MB: variants seen among roughly 807,000 people sequenced by gnomAD.
The protein encoded by MB is myoglobin, also known as nitrite reductase MB.
A neutral mutation model predicts 14.5 loss-of-function variants in MB; 10 were observed. That is an observed-to-expected ratio of 0.69 (90% confidence interval 0.43 to 1.17). The LOEUF is 1.17. Among genes scored for constraint, MB ranks in the 50% most tolerant of loss-of-function variants. The pLI, the probability that MB is intolerant of heterozygous loss-of-function variation, is 0.00. For synonymous variants in MB, 89 were observed against 78.6 expected, an observed-to-expected ratio of 1.13 and a Z score of -0.70; for missense variants, 169 against 192.7, an observed-to-expected ratio of 0.88 and a Z score of 0.73.
chr22:35,609,265 C>T (rs1422307207), intron 2 of MB, among the ~76,000 whole-genome samples: 3 of 152,134 alleles, frequency 2.0e-5, no homozygotes, highest in Non-Finnish European at 2.9e-5. Flanking sequence ...GTGCCATGAC[C>T]GGAGATGAAG....
Position 35,607,405 on chromosome 22 carries a change from C to T in MB, c.357G>A (p.Lys119=), listed in dbSNP as rs748423467. 1.9e-6 allele frequency: 3 copies of T among 1,614,078 alleles called. No homozygotes were observed. Among genetic ancestry groups the T allele is most frequent in the South Asian group, 1.1e-5 (1 of 91,076 alleles). The change falls in exon 3 of 3, where the codon AAG becomes AAA. Residue 119 remains lysine (K), a synonymous_variant. Transcript: ENST00000397326. Reference sequence around the variant, plus strand: ...CATCAGCACCAAAGTCCCCGGGATGCTTGCTCTGCAGAACCTGGATGATGC... The same window carrying T: ...CATCAGCACCAAAGTCCCCGGGATGTTTGCTCTGCAGAACCTGGATGATGC... ...SECIIQVLQS[K]HPGDFGADAQ...
Position 35,610,975 on chromosome 22 carries a change from A to C in MB, c.227T>G (p.Ile76Ser). The C allele has an allele frequency of 6.2e-7, 1 of 1,614,126 alleles. No individual in the cohort carries two copies. The highest frequency in any genetic ancestry group is 8.5e-7 in the Non-Finnish European group (1 of 1,180,002). The change falls in exon 2 of 3, where the codon ATC (isoleucine) becomes AGC (serine). Residue 76 changes from isoleucine to serine, a missense_variant. Transcript: ENST00000397326. ...CTCATGATGCCCCTTCTTCTTAAGG[A>C]TGCCACCCAGGGCGGTGAGCACGGT... ...GATVLTALGG[I>S]LKKKGHHEAE...
At chr22:35,621,222 C>T (rs1389809941), upstream of MB, among the ~76,000 whole-genome samples, 2 of 152,170 alleles carry the variant, frequency 1.3e-5, no homozygotes, top group African/African-American at 4.8e-5. Context: ...TACACACACG[C>T]ACACACACGC....
At chr22:35,618,346 T>C (rs1008997267), upstream of MB, among the ~76,000 whole-genome samples, 1 of 152,198 alleles carries the variant, frequency 6.6e-6, no homozygotes, top group Non-Finnish European at 1.5e-5. Context: ...TTGTGCCAAG[T>C]TTGAACTGAA....
rs35171458 is a variant in MB at position 35,610,876 on chromosome 22, G to GC, written c.318+7dup. The GC allele has an allele frequency of 1, 1,613,149 of 1,613,154 alleles. 806,572 individuals carry two copies. The highest frequency in any genetic ancestry group is 1 in the Middle Eastern group (5,912 of 5,912). On this transcript the variant is annotated splice_region_variant and intron_variant, in intron 2 of 2. Coordinates refer to ENST00000397326, the MANE Select transcript of MB (RefSeq NM_005368.3). ...GCATCCTCCCACCTGCCCAGGCTCTGCTCCTACCTCCAGGTACTTCACGGG... is the reference window on the plus strand; with the variant it reads ...GCATCCTCCCACCTGCCCAGGCTCTGCCTCCTACCTCCAGGTACTTCACGGG...
At chr22:35,611,172 C>T in intron 1 of MB, 66 bp from the exon 2 acceptor site, 2 of 1,178,492 alleles carry the variant, frequency 1.7e-6, no homozygotes, top group African/African-American at 3.0e-5. Context: ...GGCAGCCAGA[C>T]TAGAGTTCAA....
intron 1 of MB, among the ~76,000 whole-genome samples, chr22:35,612,192 T>A (rs1332097556): frequency 6.6e-6 from 1 of 152,180 alleles, no homozygotes; most frequent in Non-Finnish European, 1.5e-5. Context: ...AGCTCCTCTT[T>A]TATGATACCC....
rs990306814 is a variant in MB at position 35,608,004 on chromosome 22, A to G, written c.319-561T>C. 1.8e-4 allele frequency among the ~76,000 whole-genome samples: 28 copies of G among 152,192 alleles called. No homozygotes were observed. Among genetic ancestry groups the G allele is most frequent in the African/African-American group, 6.8e-4 (28 of 41,438 alleles). On this transcript the variant is annotated intron_variant, in intron 2 of 2. Transcript: ENST00000397326. This position sits in a 1 kb window ranked among gnomAD's most constrained non-coding sequence, Gnocchi z 4.3. Reference sequence around the variant, plus strand: ...GCCTCCTATTTTTTATACCAAGCACAGAAACACTGGTGGGAGGGAAGGAGA... The same window carrying G: ...GCCTCCTATTTTTTATACCAAGCACGGAAACACTGGTGGGAGGGAAGGAGA...
chr22:35,619,470 T>C (rs560492098), upstream of MB, among the ~76,000 whole-genome samples: 2 of 152,334 alleles, frequency 1.3e-5, no homozygotes, highest in African/African-American at 4.8e-5. Context: ...CACAGCTTTT[T>C]GAAGATAACT....
chr22:35,612,402 G>GT (rs1007556432), intron 1 of MB, among the ~76,000 whole-genome samples: 4 of 152,212 alleles, frequency 2.6e-5, no homozygotes, highest in South Asian at 2.1e-4. Flanking sequence ...TGGTTTTTTT[G>GT]TTTTTTGTTT....
upstream of MB, among the ~76,000 whole-genome samples, chr22:35,619,689 G>A (rs1353999740): frequency 6.6e-6 from 1 of 152,232 alleles, no homozygotes; most frequent in Non-Finnish European, 1.5e-5. Flanking sequence ...ACAAATAATA[G>A]GAAATGTAGC....
intron 1 of MB, among the ~76,000 whole-genome samples, chr22:35,611,676 G>T (rs1034003798): frequency 6.6e-6 from 1 of 152,194 alleles, no homozygotes; most frequent in South Asian, 2.1e-4. Context: ...TCACTGTGCA[G>T]ATGACGAAGG....
chr22:35,610,119 A>C (rs1922486977), intron 2 of MB, among the ~76,000 whole-genome samples: 1 of 151,642 alleles, frequency 6.6e-6, no homozygotes. Flanking sequence ...TGCTGTTTCT[A>C]CCCTCGGGGG....
intron 2 of MB, among the ~76,000 whole-genome samples, chr22:35,609,744 A>G (rs972400208): frequency 3.3e-5 from 5 of 152,160 alleles, no homozygotes; most frequent in Admixed American, 2.0e-4. Flanking sequence ...CACAATATCC[A>G]TTTCCCTTTC....
rs531617619 is a variant in MB at position 35,612,343 on chromosome 22, G to A, written c.96-1237C>T. Among the ~76,000 whole-genome samples the A allele has an allele frequency of 2.0e-5, 3 of 152,250 alleles. No individual in the cohort carries two copies. The South Asian group carries it at 6.2e-4, about 32-fold the overall frequency. On this transcript the variant is annotated intron_variant, in intron 1 of 2. Coordinates refer to ENST00000397326, the MANE Select transcript of MB (RefSeq NM_005368.3). ...CTCCATCCCAGGGTTTTATGAGGAG[G>A]GTATTTCACAACCAGGATGCTGAGC... is the stretch of plus-strand genomic sequence containing the variant.
chr22:35,619,731 A>G (rs1480627819), upstream of MB, among the ~76,000 whole-genome samples: 2 of 152,182 alleles, frequency 1.3e-5, no homozygotes, highest in Non-Finnish European at 2.9e-5. Flanking sequence ...AGAATCCCCA[A>G]ACTTGGAGTT....
Position 35,607,272 on chromosome 22 carries a change from G to T in MB, c.*25C>A, listed in dbSNP as rs1217275990. 1.2e-6 allele frequency: 2 copies of T among 1,602,386 alleles called. No homozygotes were observed. Among genetic ancestry groups the T allele is most frequent in the African/African-American group, 2.7e-5 (2 of 74,604 alleles). On this transcript the variant is annotated 3_prime_UTR_variant, in exon 3 of 3. Transcript: ENST00000397326. ...TCTCTCTTGAACCCGGGGCCCAGAT[G>T]GGTGGGGGTGGGAGCGGCAGGGGCC... is the stretch of plus-strand genomic sequence containing the variant.
At chr22:35,617,427 T>G, upstream of MB, 1 of 602,644 alleles carries the variant, frequency 1.7e-6, no homozygotes, top group South Asian at 2.0e-5. Flanking sequence ...CTCCTTCACT[T>G]TCTCTCTCTC....
intron 2 of MB, among the ~76,000 whole-genome samples, chr22:35,607,997 C>T (rs1389069099): frequency 1.3e-5 from 2 of 151,928 alleles, no homozygotes; most frequent in Non-Finnish European, 2.9e-5. Flanking sequence ...TTTTTTATAC[C>T]AAGCACAGAA....
Sources: allele counts gnomAD v4.1 joint callset (sites outside exome capture counted in the v4.1 genomes callset), GRCh38; gene constraint gnomAD v4.1.1; non-coding constraint Gnocchi (gnomAD v3.1); transcripts MANE v1.5; gene names NCBI Gene and HGNC (gene_info 2026-07-23, HGNC 2026-07-21).